RAB17: variants seen among roughly 807,000 people sequenced by gnomAD.
RAB17 encodes RAB17, member RAS oncogene family, also known as ras-related protein Rab-17.
A neutral mutation model predicts 19.3 loss-of-function variants in RAB17; 15 were observed. The observed-to-expected ratio is 0.78, with a 90% CI of 0.52 to 1.20. The LOEUF is 1.20. Ranked by LOEUF, RAB17 falls within the 50% of genes most tolerant of loss-of-function variation. RAB17 has a pLI of 0.00. For missense variants in RAB17, 262 were observed against 269.3 expected, an observed-to-expected ratio of 0.97 and a Z score of 0.19; for synonymous variants, 110 against 112.8, an observed-to-expected ratio of 0.97 and a Z score of 0.16.
chr2:237,576,901 T>C (rs2081268239), intron 4 of RAB17, among the ~76,000 whole-genome samples: 1 of 152,188 alleles, frequency 6.6e-6, no homozygotes, highest in East Asian at 1.9e-4. Context: ...ACCCTGCAGC[T>C]GCCGCCCTGC....
At chr2:237,587,101 A>C (rs1229740864) in intron 1 of RAB17, among the ~76,000 whole-genome samples, 1 of 152,212 alleles carries the variant, frequency 6.6e-6, no homozygotes, top group Non-Finnish European at 1.5e-5. Context: ...ACCTGATTAG[A>C]TACAGGCTAT....
At chr2:237,588,123 C>T (rs950473032) in intron 1 of RAB17, among the ~76,000 whole-genome samples, 3 of 152,204 alleles carry the variant, frequency 2.0e-5, no homozygotes, top group Admixed American at 6.5e-5. Context: ...GATTTGGAAA[C>T]TTAGTCCCCA....
Position 237,575,146 on chromosome 2 carries a change from A to AG in RAB17, c.530-19dup, listed in dbSNP as rs1477114630. The AG allele has an allele frequency of 6.2e-7, 1 of 1,602,904 alleles. No homozygotes were observed. The highest frequency in any genetic ancestry group is 8.5e-7 in the Non-Finnish European group (1 of 1,172,078). The stretch of plus-strand genomic sequence containing the variant: ...CTCTTGGGCTGTGAACAGCAAGAGG[A>AG]GGGGGCTGGCTAGGGAGGGAAGTCG... On this transcript the variant is annotated intron_variant, in intron 5 of 5. Transcript: ENST00000264601.
At chr2:237,575,910 TG>T (rs1303453286) in intron 4 of RAB17, 1 of 170,912 alleles carries the variant, frequency 5.9e-6, no homozygotes, top group African/African-American at 2.4e-5. Context: ...AGCTCTCCTC[TG>T]GGGAGAAATG....
intron 2 of RAB17, among the ~76,000 whole-genome samples, chr2:237,583,071 C>T (rs113771323): frequency 0.06 from 9,160 of 152,076 alleles, 423 homozygotes; most frequent in Non-Finnish European, 0.095. Flanking sequence ...CACTGCACTC[C>T]GCCTGGGCAA....
chr2:237,575,549 C>G, intron 4 of RAB17, 69 bp from the exon 5 acceptor site: 1 of 1,160,542 alleles, frequency 8.6e-7, no homozygotes, highest in Non-Finnish European at 1.3e-6. Flanking sequence ...TGGTTCACTT[C>G]CAACAGTAAG....
At chr2:237,589,380 A>G (rs2081375408) in intron 1 of RAB17, among the ~76,000 whole-genome samples, 1 of 152,240 alleles carries the variant, frequency 6.6e-6, no homozygotes, top group African/African-American at 2.4e-5. Flanking sequence ...TAGTTTTAAC[A>G]TAAAATTATT....
chr2:237,580,746 A>G (rs1365000836), intron 2 of RAB17, among the ~76,000 whole-genome samples: 1 of 151,976 alleles, frequency 6.6e-6, no homozygotes, highest in Non-Finnish European at 1.5e-5. Flanking sequence ...ACTCTGCCTC[A>G]AAAAAAGAAG....
intron 2 of RAB17, among the ~76,000 whole-genome samples, chr2:237,582,923 A>G (rs112534306): frequency 0.018 from 2,682 of 152,338 alleles, 83 homozygotes; most frequent in African/African-American, 0.061. Context: ...CCTGGCCAAC[A>G]TGGTGAAACT....
intron 2 of RAB17, 162 bp from the exon 3 acceptor site, chr2:237,578,317 C>T: frequency 4.6e-6 from 3 of 646,848 alleles, no homozygotes; most frequent in Non-Finnish European, 7.8e-6. Flanking sequence ...AACAGTTCTT[C>T]TGGGAGATGG....
intron 5 of RAB17, 129 bp from the exon 6 acceptor site, chr2:237,575,257 G>GC: frequency 2.0e-6 from 2 of 1,007,616 alleles, no homozygotes; most frequent in Non-Finnish European, 3.0e-6. Flanking sequence ...AGGGCCTCCT[G>GC]CCCCTCCTGG....
chr2:237,586,058 A>C lies in RAB17; in HGVS notation c.97T>G (p.Ser33Ala), dbSNP rs773870247. The change falls in exon 2 of 6, where the codon TCC becomes GCC. Residue 33 changes from serine to alanine, a missense_variant. Transcript: ENST00000264601. ...VLLGSGSVGK[S>A]SLALRYVKND... ...TTCACGTACCGAAGAGCCAAGCTGG[A>C]CTTACCCACGGAGCCACTTCCCAGG... is the stretch of plus-strand genomic sequence containing the variant. 6.2e-7 allele frequency: 1 copy of C among 1,613,652 alleles called. No individual in the cohort carries two copies. The highest frequency in any genetic ancestry group is 1.1e-5 in the South Asian group (1 of 90,970).
intron 2 of RAB17, among the ~76,000 whole-genome samples, chr2:237,580,359 C>T (rs1029590773): frequency 5.3e-5 from 8 of 152,312 alleles, no homozygotes; most frequent in African/African-American, 1.7e-4. Context: ...TAAAAGCTGG[C>T]GCAGGGTGAA....
intron 1 of RAB17, among the ~76,000 whole-genome samples, chr2:237,589,973 C>T (rs1165626044): frequency 2.0e-5 from 3 of 152,102 alleles, no homozygotes; most frequent in Admixed American, 1.3e-4. Context: ...ATTGAGATTA[C>T]GAGAGGTACA....
chr2:237,584,888 C>T (rs918172055), intron 2 of RAB17, among the ~76,000 whole-genome samples: 4 of 152,188 alleles, frequency 2.6e-5, no homozygotes, highest in Non-Finnish European at 1.5e-5. Context: ...TTGTACTGCA[C>T]ACCACAGGGT....
intron 3 of RAB17, 79 bp downstream of exon 3, chr2:237,577,925 C>T (rs1390524057): frequency 1.0e-5 from 15 of 1,467,776 alleles, no homozygotes; most frequent in Admixed American, 2.0e-5. Flanking sequence ...GTGATTACGC[C>T]ATGGCATCAT....
chr2:237,581,501 CGCCTCG>C (rs1479741084), intron 2 of RAB17, among the ~76,000 whole-genome samples: 1 of 152,056 alleles, frequency 6.6e-6, no homozygotes, highest in Non-Finnish European at 1.5e-5. Flanking sequence ...GCAATCTGCC[CGCCTCG>C]GCCTCCCAAA....
intron 5 of RAB17, 92 bp from the exon 6 acceptor site, chr2:237,575,220 C>G: frequency 3.5e-6 from 4 of 1,136,376 alleles, no homozygotes; most frequent in Non-Finnish European, 5.1e-6. Flanking sequence ...ACCCGCCCCT[C>G]CTGTGTTTAC....
At position 237,574,351 on chromosome 2, in the gene RAB17, A is replaced by C; in HGVS notation, c.*668T>G. The C allele has an allele frequency of 6.9e-7, 1 of 1,444,472 alleles. No homozygotes were observed. The highest frequency in any genetic ancestry group is 9.1e-7 in the Non-Finnish European group (1 of 1,098,916). The allele number at this position is 1,444,472 out of a possible 1,614,324, so 89.5% of individuals were successfully genotyped here. On this transcript the variant is annotated 3_prime_UTR_variant, in exon 6 of 6. Transcript: ENST00000264601. ...TTGTCAAAAGCAATTTAATTTTTGG[A>C]GGAAAAACTGCATACGCAGTACAAC...
Sources: gnomAD v4.1 joint callset for allele counts (sites outside exome capture counted in the v4.1 genomes callset) on GRCh38, gnomAD v4.1.1 for gene constraint, MANE v1.5 for transcripts, NCBI Gene and HGNC (gene_info 2026-07-23, HGNC 2026-07-21) for gene names.